C12orf76: variants seen among roughly 807,000 people sequenced by gnomAD.
C12orf76 encodes the protein uncharacterized protein C12orf76.
A neutral mutation model predicts 6.8 loss-of-function variants in C12orf76; 6 were observed. The ratio of observed to expected loss-of-function variants is 0.88; its 90% CI spans 0.48 to 1.73. The LOEUF is 1.73. Ranked by LOEUF, C12orf76 falls within the 40% of genes most tolerant of loss-of-function variation. The pLI is 0.01. For synonymous variants in C12orf76, 56 were observed against 43.7 expected (o/e 1.28, Z -1.11); for missense variants, 99 against 98.2 (o/e 1.01, Z -0.03).
At position 110,042,674 on chromosome 12, in the gene C12orf76, GA is replaced by G. The variant is rs1181161182; in HGVS notation, c.134-216del. The G allele has an allele frequency of 8.1e-3, 3,981 of 494,098 alleles. 1 individual carries two copies. Among genetic ancestry groups the G allele is most frequent in the South Asian group, 0.011 (486 of 43,680 alleles). The allele number at this position is 494,098 out of a possible 1,614,324, so 30.6% of individuals were successfully genotyped here. On this transcript the variant is annotated intron_variant, in intron 1 of 1. Transcript: ENST00000615315. ...CATTTCACATAGCTTGATATACCGT[GA>G]AAAAAAAAAACAGTAACATGCTAGG...
chr12:110,053,833 C>T (rs529384073), upstream of C12orf76, among the ~76,000 whole-genome samples: 1 of 152,146 alleles, frequency 6.6e-6, no homozygotes, highest in South Asian at 2.1e-4. Flanking sequence ...CCTGTAATCC[C>T]AGTACTTTGG....
chr12:110,065,154 A>T lies in C12orf76; in HGVS notation n.380+706T>A, dbSNP rs1224822099. Among the ~76,000 whole-genome samples the T allele has an allele frequency of 2.0e-5, 3 of 151,194 alleles. No homozygotes were observed. In the East Asian group the frequency reaches 5.8e-4, roughly 29 times the overall value. On this transcript the variant is annotated intron_variant and non_coding_transcript_variant, in intron 2 of 4. Coordinates refer to the C12orf76 transcript ENST00000309050. ...TATACATATATGTGTGTGTGTGTAT[A>T]TGTGCATATATATATATACACATTT...
chr12:110,073,037 G>A (rs1021063652), intron 1 of C12orf76, among the ~76,000 whole-genome samples: 3 of 152,076 alleles, frequency 2.0e-5, no homozygotes, highest in African/African-American at 7.2e-5. Flanking sequence ...TATAAACCTG[G>A]TCCTATTCTT....
intron 2 of C12orf76, among the ~76,000 whole-genome samples, chr12:110,064,017 C>T (rs1050983460): frequency 6.6e-6 from 1 of 152,184 alleles, no homozygotes; most frequent in African/African-American, 2.4e-5. Context: ...TGATTTAGGC[C>T]TGTGGGACTG....
rs1262398063 is a variant in C12orf76, at chr12:110,042,237, T to C, written c.*137A>G. 6 of 670,476 alleles carry C rather than the reference T, an allele frequency of 8.9e-6. No homozygotes were observed. The highest frequency in any genetic ancestry group is 5.0e-5 in the South Asian group (3 of 59,416). The allele number at this position is 670,476 out of a possible 1,614,324, so 41.5% of individuals were successfully genotyped here. A position where few individuals can be genotyped will look rare whatever the true frequency, so the allele number is the denominator to read the frequency against. On this transcript the variant is annotated 3_prime_UTR_variant, in exon 2 of 2. Coordinates refer to ENST00000615315, the MANE Select transcript of C12orf76 (RefSeq NM_001389625.1). ...ATGTCTAGTACATGTTTTCTTCTAA[T>C]TCATTTAGCATTTACCAACTGTCCA...
rs978595897 is a variant in C12orf76 at position 110,054,286 on chromosome 12, A to T, written n.664+2903T>A. Among the ~76,000 whole-genome samples the T allele has an allele frequency of 2.0e-5, 3 of 152,224 alleles. No individual in the cohort carries two copies. Among genetic ancestry groups the T allele is most frequent in the Non-Finnish European group, 4.4e-5 (3 of 68,036 alleles). ...GAATGTGCATAGCAGCACTATTCAC[A>T]TAACCCAAATGTTCATCTATGGATG... On this transcript the variant is annotated intron_variant and non_coding_transcript_variant, in intron 4 of 4. Transcript: ENST00000309050. The surrounding 1 kb of genome is among the most constrained non-coding windows in gnomAD (Gnocchi z 4.4).
At chr12:110,068,259 GAAGAA>G (rs1892905720), upstream of C12orf76, among the ~76,000 whole-genome samples, 303 of 86,366 alleles carry the variant, frequency 3.5e-3, 1 homozygote, top group Middle Eastern at 0.013. Context: ...AGAAGAAGAA[GAAGAA>G]GAAGAAGAAG....
chr12:110,067,676 G>T, exon 1 of C12orf76: 1 of 584,038 alleles, frequency 1.7e-6, no homozygotes, highest in Non-Finnish European at 2.2e-6. Flanking sequence ...GCACCCGGCC[G>T]GCTCAGTCAT....
intron 1 of C12orf76, among the ~76,000 whole-genome samples, chr12:110,045,086 A>C (rs1228327277): frequency 2.6e-5 from 4 of 152,236 alleles, no homozygotes; most frequent in Non-Finnish European, 1.5e-5. Flanking sequence ...GGCCAGAAGT[A>C]ATTTTAAGAT....
In C12orf76 at chr12:110,042,310, A is replaced by G; in HGVS notation, c.*64T>C. 7.2e-7 allele frequency: 1 copy of G among 1,379,328 alleles called. No homozygotes were observed. The highest frequency in any genetic ancestry group is 1.2e-5 in the South Asian group (1 of 85,890). The allele number at this position is 1,379,328 out of a possible 1,614,324, so 85.4% of individuals were successfully genotyped here. ...GGAAAGTTTTGGTTCCAACTTCTCC[A>G]CTGGCCTGTGTGCAACACAACTTAT... On this transcript the variant is annotated 3_prime_UTR_variant, in exon 2 of 2. Transcript: ENST00000615315.
At chr12:110,052,527 C>T (rs186898935), upstream of C12orf76, among the ~76,000 whole-genome samples, 15 of 152,270 alleles carry the variant, frequency 9.9e-5, no homozygotes, top group East Asian at 9.6e-4. Context: ...GCACTTAATA[C>T]GTGCCAAGTG....
intron 2 of C12orf76, among the ~76,000 whole-genome samples, chr12:110,062,722 C>T (rs899391308): frequency 2.0e-5 from 3 of 149,514 alleles, no homozygotes; most frequent in African/African-American, 4.9e-5. Context: ...CAGGATCAAG[C>T]GATCCTCCCA....
Position 110,057,170 on chromosome 12 carries a change from G to A in C12orf76, n.664+19C>T, listed in dbSNP as rs991653063. 3.2e-6 allele frequency: 5 copies of A among 1,548,644 alleles called. No individual in the cohort carries two copies. The African/African-American group carries it at 5.4e-5, about 17-fold the overall frequency. On this transcript the variant is annotated intron_variant and non_coding_transcript_variant, in intron 4 of 4. Transcript: ENST00000309050. ...CCCAATCCACATGCTCTGAATATAA[G>A]TGACTTTCGCAGACTTACCTTGGCA... is the stretch of plus-strand genomic sequence containing the variant.
chr12:110,068,247 AAAGAAGAAGAAG>A (rs4042063), upstream of C12orf76, among the ~76,000 whole-genome samples: 1,969 of 63,708 alleles, frequency 0.031, 53 homozygotes, highest in African/African-American at 0.041. Flanking sequence ...GAAGAAGAAG[AAAGAAGAAGAAG>A]AAGAAGAAGA....
chr12:110,053,994 G>A (rs892363589), upstream of C12orf76, among the ~76,000 whole-genome samples: 1 of 151,996 alleles, frequency 6.6e-6, no homozygotes, highest in African/African-American at 2.4e-5. Flanking sequence ...AGGATTGCTT[G>A]GGCCCAGGAG....
upstream of C12orf76, chr12:110,048,808 T>A: frequency 3.0e-6 from 1 of 331,564 alleles, no homozygotes; most frequent in Non-Finnish European, 4.8e-6. Context: ...GTAGGTCCAT[T>A]TGGGGCCTAT....
chr12:110,071,065 A>G (rs1172491658), upstream of C12orf76, among the ~76,000 whole-genome samples: 1 of 152,248 alleles, frequency 6.6e-6, no homozygotes, highest in Admixed American at 6.5e-5. Flanking sequence ...ATGAGCCACC[A>G]TGCCCGGCCC....
upstream of C12orf76, chr12:110,050,948 G>C (rs117982869): frequency 1.4e-6 from 1 of 710,492 alleles, no homozygotes; most frequent in Non-Finnish European, 2.6e-6. Flanking sequence ...TGACCCAATG[G>C]CTACCTTTGG....
chr12:110,070,558 C>T (rs141768511), upstream of C12orf76, among the ~76,000 whole-genome samples: 76 of 152,236 alleles, frequency 5.0e-4, 1 homozygote, highest in East Asian at 0.012. Context: ...TAGTGTGACC[C>T]TCTCTCACTT....
Sources: allele counts gnomAD v4.1 joint callset (sites outside exome capture counted in the v4.1 genomes callset), GRCh38; gene constraint gnomAD v4.1.1; non-coding constraint Gnocchi (gnomAD v3.1); transcripts MANE v1.5; gene names NCBI Gene and HGNC (gene_info 2026-07-23, HGNC 2026-07-21).